Variants in CENPV observed in about 807,000 individuals in gnomAD.
CENPV encodes the protein centromere protein V, also known as nuclear protein p30.
CENPV carries 15 observed loss-of-function variants against 26.4 expected under a neutral mutation model. That is an observed-to-expected ratio of 0.57 (90% confidence interval 0.38 to 0.88). CENPV has a LOEUF of 0.88. Among genes scored for constraint, CENPV ranks in the 40% least tolerant of loss-of-function variants. The probability of loss-of-function intolerance (pLI) is 0.00; values close to 1 mark genes in which losing one functional copy is unlikely to be tolerated. For missense variants in CENPV, 336 were observed against 376.5 expected, an observed-to-expected ratio of 0.89 and a Z score of 0.89; for synonymous variants, 172 against 165.5, an observed-to-expected ratio of 1.04 and a Z score of -0.30.
intron 4 of CENPV, 197 bp downstream of exon 4, chr17:16,344,400 G>T: frequency 2.9e-6 from 1 of 340,686 alleles, no homozygotes. Context: ...TTCAGATATG[G>T]GATTCAGAAA....
At position 16,342,833 on chromosome 17, in the gene CENPV, T is replaced by G. The variant is rs2093188020; in HGVS notation, c.803A>C (p.Asn268Thr). ...GGCAGAAGCTCACTCTTTAGACATG[T>G]TCTTGATGGTCTTGTGCTCTTTCAT... ...KAMKEHKTIK[N>T]MSKE The change falls in exon 5 of 5, where the codon AAC becomes ACC. Residue 268 changes from asparagine (N) to threonine (T), a missense_variant. Asn to Thr is a moderately conservative substitution (Grantham distance 65). Transcript: ENST00000299736. The G allele has an allele frequency of 7.4e-6, 12 of 1,614,052 alleles. No individual in the cohort carries two copies. The highest frequency in any genetic ancestry group is 1.0e-5 in the Non-Finnish European group (12 of 1,180,024).
At chr17:16,349,800 C>A (rs1325964407) in intron 2 of CENPV, 131 bp downstream of exon 2, 8 of 1,464,456 alleles carry the variant, frequency 5.5e-6, no homozygotes, top group Non-Finnish European at 7.2e-6. Context: ...CTGTCCCCAT[C>A]ACCTGACTTC....
At chr17:16,352,013 CT>C (rs1199981870) in intron 1 of CENPV, among the ~76,000 whole-genome samples, 1 of 152,218 alleles carries the variant, frequency 6.6e-6, no homozygotes, top group Non-Finnish European at 1.5e-5. Flanking sequence ...TATGTATCTT[CT>C]GTCGGGGACG....
intron 3 of CENPV, 29 bp downstream of exon 3, chr17:16,348,587 A>G: frequency 6.2e-7 from 1 of 1,613,572 alleles, no homozygotes; most frequent in Non-Finnish European, 8.5e-7. Context: ...TGGGTTCTGC[A>G]CTCCTTGACC....
intron 3 of CENPV, 99 bp from the exon 4 acceptor site, chr17:16,344,810 T>C: frequency 1.5e-6 from 1 of 645,934 alleles, no homozygotes; most frequent in South Asian, 2.4e-5. Context: ...TCCCACTGTC[T>C]CTCAGGCTGG....
At chr17:16,348,192 C>CTT (rs10637279) in intron 3 of CENPV, 141,691 of 152,704 alleles carry the variant, frequency 0.93, 66,367 homozygotes, top group Non-Finnish European at 0.99. Context: ...GAGTTTCACT[C>CTT]GTCACCCAGG....
intron 3 of CENPV, chr17:16,347,716 G>A (rs1348942702): frequency 7.2e-5 from 11 of 152,286 alleles, no homozygotes; most frequent in African/African-American, 2.6e-4. Flanking sequence ...GACAGTGATG[G>A]GGTAAGTAGA....
intron 4 of CENPV, chr17:16,344,281 C>T (rs2093195313): frequency 5.2e-6 from 1 of 192,228 alleles, no homozygotes; most frequent in Non-Finnish European, 1.1e-5. Flanking sequence ...CCCATCTCCT[C>T]ACCCCTCTCC....
chr17:16,345,022 TG>T (rs2093199545), intron 3 of CENPV, among the ~76,000 whole-genome samples: 1 of 151,950 alleles, frequency 6.6e-6, no homozygotes, highest in African/African-American at 2.4e-5. Context: ...TCACCCACCT[TG>T]GCCTCCCAAA....
intron 2 of CENPV, 87 bp from the exon 3 acceptor site, chr17:16,348,772 C>A (rs2093218097): frequency 1.9e-6 from 3 of 1,587,202 alleles, no homozygotes; most frequent in Middle Eastern, 1.7e-4. Flanking sequence ...AGCCAGCCGA[C>A]CCCACAGATG....
chr17:16,343,521 G>A (rs1190198377), intron 4 of CENPV, among the ~76,000 whole-genome samples: 1 of 152,124 alleles, frequency 6.6e-6, no homozygotes, highest in African/African-American at 2.4e-5. Context: ...TAGTAAAGAT[G>A]GGGTTTCTCC....
chr17:16,353,410 G>C lies in CENPV; in HGVS notation c.27C>G (p.Ala9=). The stretch of plus-strand genomic sequence containing the variant: ...ACCGCTTCTGCCCGCGCAGCTTGGC[G>C]GCCGCAGAGCTCCTCGATCGCCGCA... MRRSRSSA[A]AKLRGQKRSG... The change falls in exon 1 of 5, where the codon GCC becomes GCG. Residue 9 remains alanine (A), a synonymous_variant. Transcript: ENST00000299736. 1 of 1,175,510 alleles carries C rather than the reference G, an allele frequency of 8.5e-7. No individual in the cohort carries two copies. Among genetic ancestry groups the C allele is most frequent in the Non-Finnish European group, 1.0e-6 (1 of 953,236 alleles). 72.8% of individuals were successfully genotyped at this position (1,175,510 alleles called of 1,614,324 possible).
chr17:16,350,090 T>C, intron 1 of CENPV, 61 bp from the exon 2 acceptor site: 1 of 1,574,600 alleles, frequency 6.4e-7, no homozygotes, highest in Non-Finnish European at 8.6e-7. Context: ...TGCTCTCTTT[T>C]TGTTGCTGAA....
intron 3 of CENPV, among the ~76,000 whole-genome samples, chr17:16,345,529 C>T (rs2093202929): frequency 6.6e-6 from 1 of 151,676 alleles, no homozygotes; most frequent in Non-Finnish European, 1.5e-5. Flanking sequence ...TGAGATCGCA[C>T]CATTAAAAAA....
At chr17:16,345,927 TAGAC>T (rs932454463) in intron 3 of CENPV, among the ~76,000 whole-genome samples, 1 of 152,200 alleles carries the variant, frequency 6.6e-6, no homozygotes, top group Admixed American at 6.5e-5. Context: ...CCAGACGTCA[TAGAC>T]AGGCTAATTT....
intron 3 of CENPV, 171 bp downstream of exon 3, chr17:16,348,445 C>G: frequency 7.0e-7 from 1 of 1,421,044 alleles, no homozygotes; most frequent in East Asian, 2.6e-5. Context: ...GCGTGAGCCA[C>G]TGTGCCGGGC....
In CENPV at chr17:16,342,673, A is replaced by T. The variant is rs1267415952; in HGVS notation, c.*144T>A. 1 of 902,274 alleles carries T rather than the reference A, an allele frequency of 1.1e-6. No homozygotes were observed. The highest frequency in any genetic ancestry group is 1.7e-6 in the Non-Finnish European group (1 of 585,940). The allele number at this position is 902,274 out of a possible 1,614,324, so 55.9% of individuals were successfully genotyped here. On this transcript the variant is annotated 3_prime_UTR_variant, in exon 5 of 5. Transcript: ENST00000299736. ...GCCTAAAGAAACTGGTAGCTGGAGC[A>T]AACTGCAGAGATCAAGATGACCCTA...
chr17:16,353,059 G>T lies in CENPV; in HGVS notation c.378C>A (p.Ser126=). 6.3e-7 allele frequency: 1 copy of T among 1,579,100 alleles called. No individual in the cohort carries two copies. Among genetic ancestry groups the T allele is most frequent in the Non-Finnish European group, 8.6e-7 (1 of 1,163,814 alleles). Residue 126 remains serine, a synonymous_variant, in exon 1 of 5, where the codon TCC becomes TCA. Coordinates refer to ENST00000299736, the MANE Select transcript of CENPV (RefSeq NM_181716.3). ...CTAGCAGGAGCTTGGCGGCACCCTC[G>T]GAGGTAAGCTTCTGCCGCTTCTGGA... ...ETFQKRQKLT[S]EGAAKLLLDT... is the part of the protein sequence containing the mutation.
chr17:16,347,489 G>GTA (rs911076962), intron 3 of CENPV: 9 of 150,616 alleles, frequency 6.0e-5, no homozygotes, highest in Admixed American at 1.4e-4. Flanking sequence ...TAAAAAATCT[G>GTA]TATTCTTTAA....
Sources: gnomAD v4.1 joint callset for allele counts (sites outside exome capture counted in the v4.1 genomes callset) on GRCh38, gnomAD v4.1.1 for gene constraint, MANE v1.5 for transcripts, NCBI Gene and HGNC (gene_info 2026-07-23, HGNC 2026-07-21) for gene names.